SYN2: variants seen among roughly 807,000 people sequenced by gnomAD.
SYN2 encodes synapsin-2.
Under a neutral mutation model 50.9 loss-of-function variants are expected in SYN2, and 19 were observed. The ratio of observed to expected loss-of-function variants is 0.37; its 90% confidence interval spans 0.26 to 0.55. SYN2 has a LOEUF of 0.55. SYN2 is among the 20% of genes least tolerant of loss of function. SYN2 has a pLI of 0.81. For synonymous variants in SYN2, 255 were observed against 224.9 expected (o/e 1.13, Z -1.20); for missense variants, 587 against 576.4 (o/e 1.02, Z -0.19).
chr3:12,024,149 C>CTTTTTTTTTTTTTTTTTTTTTTTTTT, intron 1 of SYN2, among the ~76,000 whole-genome samples: 1 of 68,304 alleles, frequency 1.5e-5, no homozygotes, highest in Non-Finnish European at 2.6e-5. Context: ...TCATTACTTC[C>CTTTTTTTTTTTTTTTTTTTTTTTTTT]TTTTTTTTTT....
chr3:12,063,583 A>AGGG lies in SYN2; in HGVS notation c.377+58655_377+58656insGGG, dbSNP rs1448327829. ...AAAAGGCTAGAATAATCCATGTAAT[A>AGGG]ATGGATTAAAGTTGGAGACATCATT... On this transcript the variant is annotated intron_variant, in intron 1 of 12. Transcript: ENST00000621198. 4.6e-5 allele frequency among the ~76,000 whole-genome samples: 7 copies of AGGG among 152,182 alleles called. No homozygotes were observed. In the South Asian group the frequency reaches 1.2e-3, roughly 27 times the overall value.
At chr3:12,105,316 A>G (rs1696162450) in intron 1 of SYN2, among the ~76,000 whole-genome samples, 1 of 152,002 alleles carries the variant, frequency 6.6e-6, no homozygotes, top group South Asian at 2.1e-4. Flanking sequence ...GCCTTTCCAA[A>G]TATATCTTAC....
intron 1 of SYN2, among the ~76,000 whole-genome samples, chr3:12,019,185 T>TGGGGGAATTTG (rs1694079184): frequency 1.3e-5 from 2 of 152,134 alleles, no homozygotes; most frequent in Non-Finnish European, 2.9e-5. Flanking sequence ...GATGCTGAAA[T>TGGGGGAATTTG]GGGGGAATTT....
chr3:12,050,038 T>G (rs1036631589), intron 1 of SYN2, among the ~76,000 whole-genome samples: 11 of 152,164 alleles, frequency 7.2e-5, no homozygotes, highest in African/African-American at 2.7e-4. Context: ...TAGCTGGGAT[T>G]ACAGGCACCT....
At chr3:12,070,719 T>TA in intron 1 of SYN2, 1 of 939,172 alleles carries the variant, frequency 1.1e-6, no homozygotes, top group South Asian at 1.3e-5. Flanking sequence ...GGGTCACTCA[T>TA]ACAGTGCCCA....
intron 1 of SYN2, among the ~76,000 whole-genome samples, chr3:12,133,447 C>T (rs748174633): frequency 3.9e-5 from 6 of 152,186 alleles, no homozygotes; most frequent in Non-Finnish European, 7.4e-5. Flanking sequence ...TGTTCCAGAA[C>T]ATCTACAGTG....
At chr3:12,053,150 C>T (rs574805294) in intron 1 of SYN2, among the ~76,000 whole-genome samples, 81 of 152,208 alleles carry the variant, frequency 5.3e-4, no homozygotes, top group Admixed American at 5.9e-4. Flanking sequence ...CGGCCAGGCA[C>T]GGTGGCTCAT....
In SYN2 at chr3:12,159,016, G is replaced by A. The variant is rs189974592; in HGVS notation, c.775-2530G>A. On this transcript the variant is annotated intron_variant, in intron 5 of 12. Transcript: ENST00000621198. ...GGCTCTAGGCCACCCGCGGAGGCAGGACCCGAGGCTCTTCCGACCTGCATA... is the reference window on the plus strand; with the variant it reads ...GGCTCTAGGCCACCCGCGGAGGCAGAACCCGAGGCTCTTCCGACCTGCATA... 1,000 of 868,808 alleles carry A rather than the reference G, an allele frequency of 1.2e-3. 2 individuals carry two copies. The highest frequency in any genetic ancestry group is 1.9e-3 in the Admixed American group (55 of 29,654). The allele number at this position is 868,808 out of a possible 1,614,324, so 53.8% of individuals were successfully genotyped here.
chr3:12,019,018 T>C (rs1209545156), intron 1 of SYN2, among the ~76,000 whole-genome samples: 1 of 152,144 alleles, frequency 6.6e-6, no homozygotes, highest in East Asian at 1.9e-4. Flanking sequence ...TTCTTACTTT[T>C]TGGTGCCTTC....
In SYN2 at chr3:12,004,458, C is replaced by CCGCCTCAGT. The variant is rs1246776715; in HGVS notation, c.-86_-78dup. 789 of 330,712 alleles carry CCGCCTCAGT rather than the reference C, an allele frequency of 2.4e-3. 8 individuals are homozygous for CCGCCTCAGT. Among genetic ancestry groups the CCGCCTCAGT allele is most frequent in the African/African-American group, 0.016 (730 of 44,908 alleles). 20.5% of individuals were successfully genotyped at this position (330,712 alleles called of 1,614,324 possible). A position where few individuals can be genotyped will look rare whatever the true frequency, so the allele number is the denominator to read the frequency against. On this transcript the variant is annotated 5_prime_UTR_variant, in exon 1 of 13. Coordinates refer to ENST00000621198, the MANE Select transcript of SYN2 (RefSeq NM_133625.6). ...TCTGCTGGCTAAGCCGCCGCCTCAG[C>CCGCCTCAGT]CGCCTCAGTCGCCTCAATCTCGCCT...
intron 3 of SYN2, among the ~76,000 whole-genome samples, chr3:12,143,929 G>A (rs1452391086): frequency 6.6e-6 from 1 of 152,192 alleles, no homozygotes; most frequent in Non-Finnish European, 1.5e-5. Flanking sequence ...AAGTCCTCGA[G>A]TGGCCAAGGA....
rs773864240 is a variant in SYN2 at position 12,187,492 on chromosome 3, C to T, written c.1493C>T (p.Pro498Leu). ...TCCTCTTCTTCCTCCTCCTCGGCTC[C>T]TCAGCGGCCGGGCGGCCCCACCACC... ...SSSSSSSSSA[P>L]QRPGGPTTHG... The change falls in exon 12 of 13, where the codon CCT (proline) becomes CTT (leucine). Residue 498 changes from proline (P) to leucine (L), a missense_variant. Coordinates refer to ENST00000621198, the MANE Select transcript of SYN2 (RefSeq NM_133625.6). 2 of 1,554,380 alleles carry T rather than the reference C, an allele frequency of 1.3e-6. No homozygotes were observed. The highest frequency in any genetic ancestry group is 2.0e-5 in the Admixed American group (1 of 51,222).
At chr3:12,039,549 A>ATTTTTTTTTTTTTTTTTTTTTTTTTTTT (rs60746238) in intron 1 of SYN2, among the ~76,000 whole-genome samples, 1 of 118,010 alleles carries the variant, frequency 8.5e-6, no homozygotes, top group Non-Finnish European at 1.7e-5. Context: ...AGAAGCAAAG[A>ATTTTTTTTTTTTTTTTTTTTTTTTTTTT]TTTTTTTTTT....
chr3:12,014,448 TCAAC>T (rs1693978120), intron 1 of SYN2, among the ~76,000 whole-genome samples: 1 of 152,212 alleles, frequency 6.6e-6, no homozygotes, highest in Non-Finnish European at 1.5e-5. Flanking sequence ...TTACTAATTT[TCAAC>T]CATACCACAT....
chr3:12,162,582 T>A lies in SYN2; in HGVS notation c.980+428T>A, dbSNP rs76526662. Among the ~76,000 whole-genome samples, 269 of 152,340 alleles carry A rather than the reference T, an allele frequency of 1.8e-3. 4 individuals carry two copies. The East Asian group carries it at 0.046, about 26-fold the overall frequency. On this transcript the variant is annotated intron_variant, in intron 7 of 12. Coordinates refer to ENST00000621198, the MANE Select transcript of SYN2 (RefSeq NM_133625.6). ...AACACATATTTTACTAATCACAGAT[T>A]TGTTTAATATTTTTGATAACTCTAA...
chr3:12,118,560 CTT>C (rs1200513456), intron 1 of SYN2, among the ~76,000 whole-genome samples: 4 of 152,308 alleles, frequency 2.6e-5, no homozygotes, highest in African/African-American at 9.6e-5. Flanking sequence ...AGTAGAATAA[CTT>C]TTCTTCTTTT....
rs531824519 is a variant in SYN2 at position 12,110,685 on chromosome 3, C to T, written c.378-29966C>T. 1.7e-4 allele frequency among the ~76,000 whole-genome samples: 26 copies of T among 152,310 alleles called. No homozygotes were observed. The South Asian group carries it at 2.1e-3, about 12-fold the overall frequency. ...TACAGCACAGGGACTCTGGCCCGGC[C>T]CATGAAACTATTTTTTCCTCCTAGG... is the stretch of plus-strand genomic sequence containing the variant. On this transcript the variant is annotated intron_variant, in intron 1 of 12. Transcript: ENST00000621198.
chr3:12,090,568 G>A (rs543505796), intron 1 of SYN2, among the ~76,000 whole-genome samples: 9 of 152,166 alleles, frequency 5.9e-5, no homozygotes, highest in Non-Finnish European at 1.3e-4. Context: ...AAATAAGACA[G>A]TTGGACTAAC....
intron 1 of SYN2, among the ~76,000 whole-genome samples, chr3:12,052,164 C>T (rs1035733244): frequency 1.3e-5 from 2 of 152,114 alleles, no homozygotes; most frequent in African/African-American, 2.4e-5. Context: ...ACATGCTAGG[C>T]GTTGTGCTAG....
Sources: allele counts gnomAD v4.1 joint callset (sites outside exome capture counted in the v4.1 genomes callset), GRCh38; gene constraint gnomAD v4.1.1; transcripts MANE v1.5; gene names NCBI Gene and HGNC (gene_info 2026-07-23, HGNC 2026-07-21).